Variants in COL3A1 observed in about 807,000 individuals in gnomAD.
COL3A1 encodes the protein collagen alpha-1(III) chain.
In COL3A1, 46 loss-of-function variants were observed where a neutral mutation model predicts 200.9. The ratio of observed to expected loss-of-function variants is 0.23; its 90% CI spans 0.18 to 0.29. The LOEUF is 0.29. Among genes scored for constraint, COL3A1 ranks in the 10% least tolerant of loss-of-function variants. The probability of loss-of-function intolerance (pLI) is 1.00; values close to 1 mark genes in which losing one functional copy is unlikely to be tolerated. For missense variants in COL3A1, 1,367 were observed against 1,917.6 expected, an observed-to-expected ratio of 0.71 and a Z score of 5.36; for synonymous variants, 650 against 628.0, an observed-to-expected ratio of 1.03 and a Z score of -0.52.
In COL3A1 at chr2:189,003,809, T is replaced by A. The variant is rs28763878; in HGVS notation, c.2661+22T>A. 54,345 of 1,613,042 alleles carry A rather than the reference T, an allele frequency of 0.034. 1,109 individuals are homozygous for A. Among genetic ancestry groups the A allele is most frequent in the Non-Finnish European group, 0.041 (48,494 of 1,178,994 alleles). ...TAATGTAAGTAATTGTTAAAGTCTT[T>A]TCTCATCATACACTTCAGAAAGAGC... On this transcript the variant is annotated intron_variant, in intron 38 of 50. Transcript: ENST00000304636.
chr2:189,003,073 T>C lies in COL3A1; in HGVS notation c.2553+11T>C, dbSNP rs1237495499. 1 of 1,530,300 alleles carries C rather than the reference T, an allele frequency of 6.5e-7. No individual in the cohort carries two copies. Among genetic ancestry groups the C allele is most frequent in the Non-Finnish European group, 8.9e-7 (1 of 1,127,684 alleles). 94.8% of individuals were successfully genotyped at this position (1,530,300 alleles called of 1,614,324 possible). The stretch of plus-strand genomic sequence containing the variant: ...GGTTCTGGACCTGCTGTAAGTTCCT[T>C]CCTCTTTCTCTGTCTATCTATCTAT... On this transcript the variant is annotated intron_variant, in intron 36 of 50. Coordinates refer to ENST00000304636, the MANE Select transcript of COL3A1 (RefSeq NM_000090.4).
rs794728057 is a variant in COL3A1 at position 189,010,708 on chromosome 2, C to T, written c.4072C>T (p.Arg1358Ter). ...CCTTGATGTGCATCTGGCATTCCTT[C>T]GACTTCTCTCCAGCCGAGCTTCCCA... ...DVLDVHLAFL[R>*]LLSSRASQNI... Residue 1358 changes from arginine to a stop codon, truncating the protein, a stop_gained, in exon 50 of 51, where the codon CGA (arginine) becomes TGA (stop). Coordinates refer to ENST00000304636, the MANE Select transcript of COL3A1 (RefSeq NM_000090.4). LOFTEE classifies it high-confidence loss of function. The T allele has an allele frequency of 6.2e-7, 1 of 1,614,104 alleles. No individual in the cohort carries two copies. The highest frequency in any genetic ancestry group is 8.5e-7 in the Non-Finnish European group (1 of 1,179,974).
intron 48 of COL3A1, 64 bp from the exon 49 acceptor site, chr2:189,010,113 AC>A: frequency 6.6e-7 from 1 of 1,524,026 alleles, no homozygotes; most frequent in Non-Finnish European, 9.1e-7. Context: ...TTACAGGTAA[AC>A]AAACAAAATC....
At position 189,011,483 on chromosome 2, in the gene COL3A1, A is replaced by G. The variant is rs999391153; in HGVS notation, c.4255-145A>G. 4 of 846,508 alleles carry G rather than the reference A, an allele frequency of 4.7e-6. No homozygotes were observed. The African/African-American group carries it at 6.8e-5, about 14-fold the overall frequency. 52.4% of individuals were successfully genotyped at this position (846,508 alleles called of 1,614,324 possible). A position where few individuals can be genotyped will look rare whatever the true frequency, so the allele number is the denominator to read the frequency against. On this transcript the variant is annotated intron_variant, in intron 50 of 50. Transcript: ENST00000304636. ...TCAACTAAGAAGATTACAGCTTTGA[A>G]GTAGAGCAGGTCTCATATACATGAA...
rs1023699660 is a variant in COL3A1 at position 188,998,210 on chromosome 2, C to T, written c.1924-56C>T. On this transcript the variant is annotated intron_variant, in intron 27 of 50. Coordinates refer to ENST00000304636, the MANE Select transcript of COL3A1 (RefSeq NM_000090.4). ...CAGAAACATGTGTACATATGAGAAG[C>T]TTTTCTATAAGCCATGTTTGAGGTA... 6.6e-6 allele frequency: 10 copies of T among 1,508,996 alleles called. No individual in the cohort carries two copies. The Admixed American group carries it at 1.2e-4, about 18-fold the overall frequency. The allele number at this position is 1,508,996 out of a possible 1,614,324, so 93.5% of individuals were successfully genotyped here. A position where few individuals can be genotyped will look rare whatever the true frequency, so the allele number is the denominator to read the frequency against.
Position 189,006,390 on chromosome 2 carries a change from G to T in COL3A1, c.3139G>T (p.Gly1047Cys). 1 of 1,614,146 alleles carries T rather than the reference G, an allele frequency of 6.2e-7. No homozygotes were observed. The highest frequency in any genetic ancestry group is 8.5e-7 in the Non-Finnish European group (1 of 1,180,020). The change falls in exon 43 of 51, where the codon GGT becomes TGT. Residue 1047 changes from glycine to cysteine, a missense_variant. By Grantham distance (159) the Gly-to-Cys change is radical. Around this residue, in one of 5 missense-constraint regions of COL3A1, gnomAD observed 846 missense variants for 1,147.9 expected, o/e 0.74. Transcript: ENST00000304636. ...NGSPGAPGAP[G>C]HPGPPGPVGP... is the part of the protein sequence containing the mutation. The stretch of plus-strand genomic sequence containing the variant: ...CTCTCCTGGTGCCCCTGGCGCTCCT[G>T]GTCATCCAGGCCCACCTGGTCCTGT...
At position 188,982,099 on chromosome 2, in the gene COL3A1, A is replaced by G. The variant is rs1332098960; in HGVS notation, c.80-2661A>G. Among the ~76,000 whole-genome samples the G allele has an allele frequency of 2.6e-5, 4 of 151,794 alleles. No homozygotes were observed. The East Asian group carries it at 7.7e-4, about 29-fold the overall frequency. Reference sequence around the variant, plus strand: ...ATGACTTTCTAAAGTAAAACAAAACATACATGCACCATGTTGACTGTCATG... The same window carrying G: ...ATGACTTTCTAAAGTAAAACAAAACGTACATGCACCATGTTGACTGTCATG... On this transcript the variant is annotated intron_variant, in intron 1 of 50. Transcript: ENST00000304636.
chr2:188,999,987 C>T (rs758698717), intron 32 of COL3A1, 92 bp downstream of exon 32: 31 of 1,289,526 alleles, frequency 2.4e-5, no homozygotes, highest in Non-Finnish European at 3.4e-5. Flanking sequence ...AAAAACTACT[C>T]AAGAGAAATT....
In COL3A1 at chr2:189,010,822, A is replaced by G. The variant is rs746692209; in HGVS notation, c.4186A>G (p.Asn1396Asp). 1.9e-6 allele frequency: 3 copies of G among 1,614,082 alleles called. No homozygotes were observed. The highest frequency in any genetic ancestry group is 2.5e-6 in the Non-Finnish European group (3 of 1,180,012). Residue 1396 changes from asparagine (N) to aspartate (D), a missense_variant, in exon 50 of 51, where the codon AAT (asparagine) becomes GAT (aspartate). Asn to Asp is a conservative substitution (Grantham distance 23). Around this residue, in one of 5 missense-constraint regions of COL3A1, gnomAD observed 846 missense variants for 1,147.9 expected, o/e 0.74. Coordinates refer to ENST00000304636, the MANE Select transcript of COL3A1 (RefSeq NM_000090.4). ...VKKALKLMGS[N>D]EGEFKAEGNS... ...GAAGGCCCTGAAGCTGATGGGGTCA[A>G]ATGAAGGTGAATTCAAGGCTGAAGG...
At chr2:189,001,774 C>G (rs927031377) in intron 34 of COL3A1, among the ~76,000 whole-genome samples, 185 bp downstream of exon 34, 4 of 152,056 alleles carry the variant, frequency 2.6e-5, no homozygotes, top group Non-Finnish European at 5.9e-5. Flanking sequence ...ATCTAACATT[C>G]ACAGGAGACC....
In COL3A1 at chr2:189,009,154, T is replaced by G. The variant is rs746035610; in HGVS notation, c.3756T>G (p.Asp1252Glu). ...NGQIESLISPDGSRKNPARNC... is the reference protein window; with the variant it reads ...NGQIESLISPEGSRKNPARNC... ...AAATAGAAAGCCTCATTAGTCCTGA[T>G]GGTTCTCGTAAAAACCCCGCTAGAA... Residue 1252 changes from aspartate to glutamate, a missense_variant, in exon 48 of 51, where the codon GAT becomes GAG. Physicochemically the swap from Asp to Glu is conservative, Grantham distance 45. This residue lies in a region of COL3A1 where 846 missense variants were observed against 1,147.9 expected (regional missense o/e 0.74). Transcript: ENST00000304636. The G allele has an allele frequency of 1.9e-6, 3 of 1,614,118 alleles. No homozygotes were observed. In the African/African-American group the frequency reaches 4.0e-5, roughly 22 times the overall value.
chr2:188,977,767 G>A (rs1434910067), intron 1 of COL3A1, among the ~76,000 whole-genome samples: 2 of 151,960 alleles, frequency 1.3e-5, no homozygotes, highest in Non-Finnish European at 2.9e-5. Flanking sequence ...ATTGAAAGGA[G>A]ATACTAAAAA....
At chr2:189,009,319 G>C (rs897558223) in intron 48 of COL3A1, 98 bp downstream of exon 48, 5 of 1,421,394 alleles carry the variant, frequency 3.5e-6, no homozygotes, top group Admixed American at 1.8e-5. Flanking sequence ...TCAATGGAAA[G>C]CTGAAATAGT....
Position 189,006,101 on chromosome 2 carries a change from A to G in COL3A1, c.3040-105A>G, listed in dbSNP as rs182291935. Reference sequence around the variant, plus strand: ...TAAGATTTCTTACCCCCAAGAACCAATTTTAACCCCCTTGAGAATTATATT... The same window carrying G: ...TAAGATTTCTTACCCCCAAGAACCAGTTTTAACCCCCTTGAGAATTATATT... On this transcript the variant is annotated intron_variant, in intron 41 of 50. Coordinates refer to ENST00000304636, the MANE Select transcript of COL3A1 (RefSeq NM_000090.4). 2.1e-5 allele frequency: 26 copies of G among 1,251,372 alleles called. No homozygotes were observed. In the African/African-American group the frequency reaches 2.7e-4, roughly 13 times the overall value. 77.5% of individuals were successfully genotyped at this position (1,251,372 alleles called of 1,614,324 possible). A position where few individuals can be genotyped will look rare whatever the true frequency, so the allele number is the denominator to read the frequency against.
At position 188,996,177 on chromosome 2, in the gene COL3A1, C is replaced by T. The variant is rs1688305869; in HGVS notation, c.1661C>T (p.Pro554Leu). Residue 554 changes from proline (P) to leucine (L), a missense_variant and splice_region_variant, in exon 23 of 51, where the codon CCC becomes CTC. Coordinates refer to ENST00000304636, the MANE Select transcript of COL3A1 (RefSeq NM_000090.4). Reference sequence around the variant, plus strand: ...GGAAGTGATGGGAAACCAGGGCCTCCCGTATGTACATTTTTAAAATCTCAT... The same window carrying T: ...GGAAGTGATGGGAAACCAGGGCCTCTCGTATGTACATTTTTAAAATCTCAT... ...GPGSDGKPGP[P>L]GSQGESGRPG... 4 of 1,612,982 alleles carry T rather than the reference C, an allele frequency of 2.5e-6. No individual in the cohort carries two copies. Among genetic ancestry groups the T allele is most frequent in the Non-Finnish European group, 3.4e-6 (4 of 1,179,540 alleles).
intron 14 of COL3A1, 93 bp downstream of exon 14, chr2:188,992,321 GTA>G (rs112545975): frequency 3.7e-5 from 39 of 1,056,000 alleles, no homozygotes; most frequent in East Asian, 2.6e-4. Flanking sequence ...ATACTCTTAG[GTA>G]TATATATATG....
intron 3 of COL3A1, 70 bp downstream of exon 3, chr2:188,985,317 A>G (rs1688043308): frequency 1.6e-6 from 2 of 1,269,356 alleles, no homozygotes; most frequent in Admixed American, 1.7e-5. Flanking sequence ...TGCTTTTTCT[A>G]GATTTGAGCT....
chr2:188,978,883 A>G (rs1356102956), intron 1 of COL3A1, among the ~76,000 whole-genome samples: 2 of 151,938 alleles, frequency 1.3e-5, no homozygotes, highest in Non-Finnish European at 2.9e-5. Context: ...TCTTACATAA[A>G]TCATTTGTGA....
intron 26 of COL3A1, 143 bp downstream of exon 26, chr2:188,997,532 C>CATT: frequency 8.7e-7 from 1 of 1,152,486 alleles, no homozygotes; most frequent in Non-Finnish European, 1.3e-6. Context: ...AGTTATCTAG[C>CATT]TAAATGCTAG....
Sources: gnomAD v4.1 joint callset for allele counts (sites outside exome capture counted in the v4.1 genomes callset) on GRCh38, gnomAD v4.1.1 for gene constraint, gnomAD v4.1.1 regional missense constraint, MANE v1.5 for transcripts, NCBI Gene and HGNC (gene_info 2026-07-23, HGNC 2026-07-21) for gene names.